The following PPP3R2 variants were observed in gnomAD, a reference collection of about 807,000 sequenced individuals.
PPP3R2 encodes the protein calcineurin subunit B type 2.
For missense variants in PPP3R2, 225 were observed against 217.4 expected (o/e 1.03, Z -0.22); for synonymous variants, 91 against 91.5 (o/e 0.99, Z 0.03).
Position 101,594,575 on chromosome 9 carries a change from A to C in PPP3R2, c.347T>G (p.Leu116Arg). 1 of 1,614,170 alleles carries C rather than the reference A, an allele frequency of 6.2e-7. No individual in the cohort carries two copies. Among genetic ancestry groups the C allele is most frequent in the Non-Finnish European group, 8.5e-7 (1 of 1,180,042 alleles). The part of the protein sequence containing the change: ...YISNGELFQV[L>R]KMMVGNNLTD... ...CAGGTTGTTGCCCACCATCATCTTC[A>C]GCACCTGGAAGAGCTCCCCGTTGGA... The change falls in exon 1 of 1, where the codon CTG becomes CGG. Residue 116 changes from leucine (L) to arginine (R), a missense_variant. Transcript: ENST00000374806.
chr9:101,594,584 A>G lies in PPP3R2; in HGVS notation c.338T>C (p.Phe113Ser). The part of the protein sequence containing the change: ...KDGYISNGEL[F>S]QVLKMMVGNN... The stretch of plus-strand genomic sequence containing the variant: ...GCCCACCATCATCTTCAGCACCTGG[A>G]AGAGCTCCCCGTTGGAAATGTAGCC... Residue 113 changes from phenylalanine (F) to serine (S), a missense_variant, in exon 1 of 1, where the codon TTC becomes TCC. Coordinates refer to ENST00000374806, the MANE Select transcript of PPP3R2 (RefSeq NM_147180.4). The G allele has an allele frequency of 6.2e-7, 1 of 1,614,172 alleles. No homozygotes were observed. The highest frequency in any genetic ancestry group is 8.5e-7 in the Non-Finnish European group (1 of 1,180,044).
rs951750195 is a variant in PPP3R2 at position 101,591,669 on chromosome 9, T to C, written c.*2740A>G. 1 of 152,258 alleles carries C rather than the reference T, an allele frequency of 6.6e-6. No individual in the cohort carries two copies. The highest frequency in any genetic ancestry group is 1.5e-5 in the Non-Finnish European group (1 of 68,048). 9.4% of individuals were successfully genotyped at this position (152,258 alleles called of 1,614,324 possible). On this transcript the variant is annotated 3_prime_UTR_variant, in exon 1 of 1. Coordinates refer to ENST00000374806, the MANE Select transcript of PPP3R2 (RefSeq NM_147180.4). The stretch of plus-strand genomic sequence containing the variant: ...CCAAGAAACTGTATAGAACTAGATT[T>C]GTTGGCAACTGGCAATTAACTGACA...
rs756120221 is a variant in PPP3R2 at position 101,594,419 on chromosome 9, A to G, written c.503T>C (p.Leu168Pro). 5 of 1,603,546 alleles carry G rather than the reference A, an allele frequency of 3.1e-6. No individual in the cohort carries two copies. Among genetic ancestry groups the G allele is most frequent in the Non-Finnish European group, 8.5e-7 (1 of 1,172,910 alleles). ...RDLEIHKKLV[L>P]IV is the part of the protein sequence containing the mutation. ...TTGTAAGAAAAAGGCTCATACGATG[A>G]GGACCAGCTTCTTGTGGATCTCCAG... Residue 168 changes from leucine to proline, a missense_variant, in exon 1 of 1, where the codon CTC (leucine) becomes CCC (proline). Leu to Pro is a moderately conservative substitution (Grantham distance 98). Transcript: ENST00000374806.
rs767514182 is a variant in PPP3R2 at position 101,594,735 on chromosome 9, C to T, written c.187G>A (p.Asp63Asn). ...TCCACTTCTCCATCACCGTCGGTGT[C>T]GAAGACGTCGATCACTCGCCGCACC... ...PLVRRVIDVF[D>N]TDGDGEVDFK... The change falls in exon 1 of 1, where the codon GAC becomes AAC. Residue 63 changes from aspartate (D) to asparagine (N), a missense_variant. By Grantham distance (23) the Asp-to-Asn change is conservative. Transcript: ENST00000374806. The T allele has an allele frequency of 4.3e-6, 7 of 1,614,066 alleles. No homozygotes were observed. In the Admixed American group the frequency reaches 5.0e-5, roughly 12 times the overall value.
Position 101,594,529 on chromosome 9 carries a change from C to A in PPP3R2, c.393G>T (p.Gln131His). Residue 131 changes from glutamine to histidine, a missense_variant, in exon 1 of 1, where the codon CAG becomes CAT. Physicochemically the swap from Gln to His is conservative, Grantham distance 24. Coordinates refer to ENST00000374806, the MANE Select transcript of PPP3R2 (RefSeq NM_147180.4). Reference sequence around the variant, plus strand: ...GGATGATGATGGTTTTGTCGACCAGCTGCTGGAGCTGCCAGTCCGTCAGGT... The same window carrying A: ...GGATGATGATGGTTTTGTCGACCAGATGCTGGAGCTGCCAGTCCGTCAGGT... ...GNNLTDWQLQ[Q>H]LVDKTIIILD... 2 of 1,614,192 alleles carry A rather than the reference C, an allele frequency of 1.2e-6. No homozygotes were observed. Among genetic ancestry groups the A allele is most frequent in the East Asian group, 4.5e-5 (2 of 44,882 alleles).
At position 101,594,960 on chromosome 9, in the gene PPP3R2, A is replaced by C. The variant is rs755809841; in HGVS notation, c.-39T>G. ...CAACGGCCACGGCTCAAAGGGTCGG[A>C]GAGGGGAGCAGGGGCGGTGAGCTCG... On this transcript the variant is annotated 5_prime_UTR_variant, in exon 1 of 1. Coordinates refer to ENST00000374806, the MANE Select transcript of PPP3R2 (RefSeq NM_147180.4). The C allele has an allele frequency of 6.4e-7, 1 of 1,574,572 alleles. No individual in the cohort carries two copies. Among genetic ancestry groups the C allele is most frequent in the Non-Finnish European group, 8.6e-7 (1 of 1,167,044 alleles).
rs561535491 is a variant in PPP3R2, at chr9:101,593,324, A to T, written c.*1085T>A. ...TCTGCACTGAATGTTCCACTAGGGAAAAGGCTTCCTGGAATGAGAGAGCTC... is the reference window on the plus strand; with the variant it reads ...TCTGCACTGAATGTTCCACTAGGGATAAGGCTTCCTGGAATGAGAGAGCTC... On this transcript the variant is annotated 3_prime_UTR_variant, in exon 1 of 1. Transcript: ENST00000374806. 10 of 152,324 alleles carry T rather than the reference A, an allele frequency of 6.6e-5. No homozygotes were observed. In the East Asian group the frequency reaches 1.9e-3, roughly 29 times the overall value. The allele number at this position is 152,324 out of a possible 1,614,324, so 9.4% of individuals were successfully genotyped here. A position where few individuals can be genotyped will look rare whatever the true frequency, so the allele number is the denominator to read the frequency against.
rs1010400037 is a variant in PPP3R2, at chr9:101,594,297, A to G, written c.*112T>C. 4.3e-6 allele frequency: 6 copies of G among 1,387,022 alleles called. No individual in the cohort carries two copies. The highest frequency in any genetic ancestry group is 5.8e-6 in the Non-Finnish European group (6 of 1,026,242). 85.9% of individuals were successfully genotyped at this position (1,387,022 alleles called of 1,614,324 possible). On this transcript the variant is annotated 3_prime_UTR_variant, in exon 1 of 1. Transcript: ENST00000374806. The stretch of plus-strand genomic sequence containing the variant: ...CTCCTGTTAGGACATATGGCTTCAC[A>G]AAAAGAAATACTTCCAGATAAGTCA...
At position 101,594,499 on chromosome 9, in the gene PPP3R2, G is replaced by C. The variant is rs1161738334; in HGVS notation, c.423C>G (p.Asp141Glu). Reference protein sequence around the residue: ...QLVDKTIIILDKDGDGKISFE... With the variant: ...QLVDKTIIILEKDGDGKISFE... ...AGGATATCTTCCCATCGCCATCCTT[G>C]TCCAGGATGATGATGGTTTTGTCGA... The change falls in exon 1 of 1, where the codon GAC (aspartate) becomes GAG (glutamate). Residue 141 changes from aspartate (D) to glutamate (E), a missense_variant. Asp to Glu is a conservative substitution (Grantham distance 45, BLOSUM62 2). Transcript: ENST00000374806. 4 of 1,614,164 alleles carry C rather than the reference G, an allele frequency of 2.5e-6. No individual in the cohort carries two copies. Among genetic ancestry groups the C allele is most frequent in the Non-Finnish European group, 3.4e-6 (4 of 1,180,036 alleles).
chr9:101,594,495 C>T lies in PPP3R2; in HGVS notation c.427G>A (p.Asp143Asn), dbSNP rs773945805. 1.9e-6 allele frequency: 3 copies of T among 1,614,198 alleles called. No individual in the cohort carries two copies. The South Asian group carries it at 3.3e-5, about 18-fold the overall frequency. The stretch of plus-strand genomic sequence containing the variant: ...TCAAAGGATATCTTCCCATCGCCAT[C>T]CTTGTCCAGGATGATGATGGTTTTG... ...VDKTIIILDK[D>N]GDGKISFEEF... The change falls in exon 1 of 1, where the codon GAT becomes AAT. Residue 143 changes from aspartate to asparagine, a missense_variant. Transcript: ENST00000374806.
At position 101,594,462 on chromosome 9, in the gene PPP3R2, T is replaced by C. The variant is rs774775761; in HGVS notation, c.460A>G (p.Ser154Gly). 1.9e-6 allele frequency: 3 copies of C among 1,614,128 alleles called. No individual in the cohort carries two copies. Among genetic ancestry groups the C allele is most frequent in the Non-Finnish European group, 2.5e-6 (3 of 1,179,992 alleles). Residue 154 changes from serine (S) to glycine (G), a missense_variant, in exon 1 of 1, where the codon AGT (serine) becomes GGT (glycine). Transcript: ENST00000374806. ...GDGKISFEEF[S>G]AVVRDLEIHK... ...ATCTCCAGGTCTCTGACCACAGCAC[T>C]GAATTCCTCAAAGGATATCTTCCCA...
At position 101,594,486 on chromosome 9, in the gene PPP3R2, C is replaced by T. The variant is rs1828081791; in HGVS notation, c.436G>A (p.Gly146Arg). Residue 146 changes from glycine (G) to arginine (R), a missense_variant, in exon 1 of 1, where the codon GGG becomes AGG. Coordinates refer to ENST00000374806, the MANE Select transcript of PPP3R2 (RefSeq NM_147180.4). ...CTGAATTCCTCAAAGGATATCTTCC[C>T]ATCGCCATCCTTGTCCAGGATGATG... is the stretch of plus-strand genomic sequence containing the variant. ...TIIILDKDGD[G>R]KISFEEFSAV... The T allele has an allele frequency of 1.2e-6, 2 of 1,614,054 alleles. No homozygotes were observed. The highest frequency in any genetic ancestry group is 1.1e-5 in the South Asian group (1 of 91,074).
Position 101,592,431 on chromosome 9 carries a change from C to T in PPP3R2, c.*1978G>A, listed in dbSNP as rs1218340636. The T allele has an allele frequency of 6.6e-6, 1 of 152,094 alleles. No individual in the cohort carries two copies. Among genetic ancestry groups the T allele is most frequent in the African/African-American group, 2.4e-5 (1 of 41,414 alleles). The allele number at this position is 152,094 out of a possible 1,614,324, so 9.4% of individuals were successfully genotyped here. A position where few individuals can be genotyped will look rare whatever the true frequency, so the allele number is the denominator to read the frequency against. On this transcript the variant is annotated 3_prime_UTR_variant, in exon 1 of 1. Transcript: ENST00000374806. ...ATGCCTTTTTGAATCCTCAAAATAA[C>T]CCTGGGGTGGATCCTCTTTAATTAG...
At position 101,594,676 on chromosome 9, in the gene PPP3R2, G is replaced by A. The variant is rs1296623488; in HGVS notation, c.246C>T (p.Phe82=). ...FKEFILGTSQ[F]SVKGDEEQKL... is the part of the protein sequence containing the mutation. ...TCTGCTCCTCGTCGCCCTTGACGCTGAACTGGGAGGTCCCCAGGATGAATT... is the reference window on the plus strand; with the variant it reads ...TCTGCTCCTCGTCGCCCTTGACGCTAAACTGGGAGGTCCCCAGGATGAATT... The change falls in exon 1 of 1, where the codon TTC becomes TTT. Residue 82 remains phenylalanine, a synonymous_variant. Coordinates refer to ENST00000374806, the MANE Select transcript of PPP3R2 (RefSeq NM_147180.4). The A allele has an allele frequency of 4.3e-6, 7 of 1,614,058 alleles. No individual in the cohort carries two copies. Among genetic ancestry groups the A allele is most frequent in the Non-Finnish European group, 5.9e-6 (7 of 1,180,050 alleles).
Position 101,591,822 on chromosome 9 carries a change from T to TTTTGTGGC in PPP3R2, c.*2586_*2587insGCCACAAA, listed in dbSNP as rs1828030411. The TTTTGTGGC allele has an allele frequency of 6.6e-6, 1 of 152,204 alleles. No homozygotes were observed. The highest frequency in any genetic ancestry group is 2.4e-5 in the African/African-American group (1 of 41,452). The allele number at this position is 152,204 out of a possible 1,614,324, so 9.4% of individuals were successfully genotyped here. ...AAGGTCATTGCCACAAAGCCTTAGG[T>TTTTGTGGC]AACTATCTTGAGTAGATTTATTGAA... On this transcript the variant is annotated 3_prime_UTR_variant, in exon 1 of 1. Transcript: ENST00000374806.
At position 101,594,564 on chromosome 9, in the gene PPP3R2, C is replaced by T. The variant is rs536109611; in HGVS notation, c.358G>A (p.Val120Met). The T allele has an allele frequency of 6.2e-7, 1 of 1,614,152 alleles. No homozygotes were observed. Among genetic ancestry groups the T allele is most frequent in the East Asian group, 2.2e-5 (1 of 44,872 alleles). ...TGCCAGTCCGTCAGGTTGTTGCCCA[C>T]CATCATCTTCAGCACCTGGAAGAGC... ...GELFQVLKMM[V>M]GNNLTDWQLQ... Residue 120 changes from valine to methionine, a missense_variant, in exon 1 of 1, where the codon GTG becomes ATG. Transcript: ENST00000374806.
chr9:101,594,405 AG>A lies in PPP3R2; in HGVS notation c.*3del. On this transcript the variant is annotated 3_prime_UTR_variant, in exon 1 of 1. Transcript: ENST00000374806. ...TTGTTGGGTGGTGCTTGTAAGAAAAAGGCTCATACGATGAGGACCAGCTTCT... is the reference window on the plus strand; with the variant it reads ...TTGTTGGGTGGTGCTTGTAAGAAAAAGCTCATACGATGAGGACCAGCTTCT... 6.3e-7 allele frequency: 1 copy of A among 1,585,784 alleles called. No homozygotes were observed. The highest frequency in any genetic ancestry group is 1.1e-5 in the South Asian group (1 of 87,342).
In PPP3R2 at chr9:101,591,631, T is replaced by C. The variant is rs554834906; in HGVS notation, c.*2778A>G. On this transcript the variant is annotated 3_prime_UTR_variant, in exon 1 of 1. Coordinates refer to ENST00000374806, the MANE Select transcript of PPP3R2 (RefSeq NM_147180.4). ...ATGGGACAATTGCTCAATAAATGTTTATTATCATCATCCCAAGAAACTGTA... is the reference window on the plus strand; with the variant it reads ...ATGGGACAATTGCTCAATAAATGTTCATTATCATCATCCCAAGAAACTGTA... 1 of 152,344 alleles carries C rather than the reference T, an allele frequency of 6.6e-6. No homozygotes were observed. Among genetic ancestry groups the C allele is most frequent in the East Asian group, 1.9e-4 (1 of 5,186 alleles). The allele number at this position is 152,344 out of a possible 1,614,324, so 9.4% of individuals were successfully genotyped here.
In PPP3R2 at chr9:101,594,763, C is replaced by T. The variant is rs1256188605; in HGVS notation, c.159G>A (p.Pro53=). The T allele has an allele frequency of 2.4e-5, 39 of 1,613,948 alleles. No homozygotes were observed. The highest frequency in any genetic ancestry group is 4.4e-5 in the South Asian group (4 of 91,086). ...FMSLPELRHN[P]LVRRVIDVFD... is the part of the protein sequence containing the mutation. ...AGACGTCGATCACTCGCCGCACCAA[C>T]GGGTTGTGGCGCAGCTCCGGCAGGG... The change falls in exon 1 of 1, where the codon CCG becomes CCA. Residue 53 remains proline, a synonymous_variant. Coordinates refer to ENST00000374806, the MANE Select transcript of PPP3R2 (RefSeq NM_147180.4).
Sources: allele counts gnomAD v4.1 joint callset, GRCh38; gene constraint gnomAD v4.1.1; transcripts MANE v1.5; gene names NCBI Gene and HGNC (gene_info 2026-07-23, HGNC 2026-07-21).